The following SOCS6 variants were observed in gnomAD, a reference collection of about 807,000 sequenced individuals.
SOCS6 encodes suppressor of cytokine signaling 6.
A neutral mutation model predicts 27.7 loss-of-function variants in SOCS6; 5 were observed. That is an observed-to-expected ratio of 0.18 (90% CI 0.09 to 0.38). SOCS6 has a LOEUF of 0.38. SOCS6 is among the 10% of genes least tolerant of loss of function. SOCS6 has a pLI of 1.00. For missense variants in SOCS6, 595 were observed against 688.1 expected, an observed-to-expected ratio of 0.86 and a Z score of 1.51; for synonymous variants, 271 against 260.0, an observed-to-expected ratio of 1.04 and a Z score of -0.41.
rs2062404776 is a variant in SOCS6 at position 70,314,746 on chromosome 18, A to G, written c.-126-9797A>G. Among the ~76,000 whole-genome samples, 4 of 151,954 alleles carry G rather than the reference A, an allele frequency of 2.6e-5. No homozygotes were observed. The South Asian group carries it at 8.3e-4, about 32-fold the overall frequency. ...TTTTGTCCTCTCCTTTCCAATATTT[A>G]TATTTATTTCTTGTCTAATTCATTG... On this transcript the variant is annotated intron_variant, in intron 1 of 1. Coordinates refer to ENST00000397942, the MANE Select transcript of SOCS6 (RefSeq NM_004232.4).
At chr18:70,315,128 T>A (rs1045248396) in intron 1 of SOCS6, among the ~76,000 whole-genome samples, 1 of 152,196 alleles carries the variant, frequency 6.6e-6, no homozygotes, top group Non-Finnish European at 1.5e-5. Context: ...TGTACTTCAA[T>A]GTTCATAAGT....
intron 1 of SOCS6, among the ~76,000 whole-genome samples, chr18:70,320,904 A>C (rs967394053): frequency 1.3e-5 from 2 of 152,194 alleles, no homozygotes; most frequent in Non-Finnish European, 2.9e-5. Flanking sequence ...ATGTGGTACC[A>C]CTTTCACTGA....
At chr18:70,322,210 C>T (rs1198563997) in intron 1 of SOCS6, among the ~76,000 whole-genome samples, 1 of 151,954 alleles carries the variant, frequency 6.6e-6, no homozygotes, top group Non-Finnish European at 1.5e-5. Flanking sequence ...TACTTAGGCA[C>T]GAGACAGATG....
intron 1 of SOCS6, among the ~76,000 whole-genome samples, chr18:70,303,263 A>G (rs1021076795): frequency 1.3e-5 from 2 of 152,182 alleles, no homozygotes; most frequent in Admixed American, 1.3e-4. Flanking sequence ...ATAAATATCA[A>G]TTTCACTGGT....
Position 70,319,608 on chromosome 18 carries a change from TAA to T in SOCS6, c.-126-4912_-126-4911del, listed in dbSNP as rs34494275. Among the ~76,000 whole-genome samples the T allele has an allele frequency of 9.5e-3, 1,198 of 126,290 alleles. 14 individuals carry two copies. Among genetic ancestry groups the T allele is most frequent in the African/African-American group, 0.025 (876 of 34,820 alleles). The allele number at this position is 126,290 out of a possible 152,430, so 82.9% of individuals were successfully genotyped here. On this transcript the variant is annotated intron_variant, in intron 1 of 1. Coordinates refer to ENST00000397942, the MANE Select transcript of SOCS6 (RefSeq NM_004232.4). ...CTTTAGTAAGAACCAAGCACTTCAG[TAA>T]AAAAAAAAAAAAAAAAAAAAAATTG...
At position 70,328,244 on chromosome 18, in the gene SOCS6, G is replaced by C. The variant is rs1301793208; in HGVS notation, c.*1968G>C. 1 of 166,920 alleles carries C rather than the reference G, an allele frequency of 6.0e-6. No individual in the cohort carries two copies. The highest frequency in any genetic ancestry group is 1.9e-4 in the East Asian group (1 of 5,184). The allele number at this position is 166,920 out of a possible 1,614,324, so 10.3% of individuals were successfully genotyped here. On this transcript the variant is annotated 3_prime_UTR_variant, in exon 2 of 2. Coordinates refer to ENST00000397942, the MANE Select transcript of SOCS6 (RefSeq NM_004232.4). ...TAAAACAACTTAAAGTATATCTAGG[G>C]TGAGTTAAAAGTCCCTGTGCATCTA...
intron 1 of SOCS6, among the ~76,000 whole-genome samples, chr18:70,306,477 CAAAAAAAAAAAAA>C (rs55702216): frequency 1.1e-5 from 1 of 92,704 alleles, no homozygotes; most frequent in East Asian, 3.4e-4. Flanking sequence ...GACTCCATCT[CAAAAAAAAAAAAA>C]AAAAAAAAAG....
rs183330418 is a variant in SOCS6, at chr18:70,290,888, C to G, written c.-127+1798C>G. ...TCTTCAGCAGGGCCTCCCACCCAAG[C>G]GCACACCCTCGGGTCATCCCATGAC... On this transcript the variant is annotated intron_variant, in intron 1 of 1. Transcript: ENST00000397942. Among the ~76,000 whole-genome samples the G allele has an allele frequency of 5.2e-3, 785 of 152,278 alleles. 8 individuals are homozygous for G. The highest frequency in any genetic ancestry group is 0.021 in the South Asian group (100 of 4,822).
chr18:70,328,928 T>C lies in SOCS6; in HGVS notation c.*2652T>C, dbSNP rs1266324322. On this transcript the variant is annotated 3_prime_UTR_variant, in exon 2 of 2. Coordinates refer to ENST00000397942, the MANE Select transcript of SOCS6 (RefSeq NM_004232.4). ...CTATTGGCAGTTAACATAGATGACA[T>C]GGACACAGCCTATGAGTGCTTTTTA... 3 of 167,024 alleles carry C rather than the reference T, an allele frequency of 1.8e-5. No homozygotes were observed. The highest frequency in any genetic ancestry group is 4.4e-5 in the Non-Finnish European group (3 of 68,106). 10.3% of individuals were successfully genotyped at this position (167,024 alleles called of 1,614,324 possible).
At chr18:70,293,071 G>A (rs1008978142) in intron 1 of SOCS6, among the ~76,000 whole-genome samples, 1 of 151,792 alleles carries the variant, frequency 6.6e-6, no homozygotes, top group Non-Finnish European at 1.5e-5. Flanking sequence ...AGTTCTATGA[G>A]GGCAGAGTGT....
At chr18:70,290,701 C>G (rs2062294988) in intron 1 of SOCS6, among the ~76,000 whole-genome samples, 2 of 152,226 alleles carry the variant, frequency 1.3e-5, no homozygotes, top group Admixed American at 1.3e-4. Context: ...TGGAGTTTGG[C>G]CAGGGCTTTC....
intron 1 of SOCS6, among the ~76,000 whole-genome samples, chr18:70,297,348 T>G (rs866005335): frequency 2.8e-4 from 32 of 115,832 alleles, no homozygotes; most frequent in Middle Eastern, 4.3e-3. Context: ...ATCAGGAGGG[T>G]TTTTTTTTCC....
At chr18:70,293,828 C>G (rs1429333935) in intron 1 of SOCS6, among the ~76,000 whole-genome samples, 1 of 152,020 alleles carries the variant, frequency 6.6e-6, no homozygotes, top group African/African-American at 2.4e-5. Flanking sequence ...CGCGGTGGCT[C>G]GCGCCTGTAA....
chr18:70,328,704 C>T lies in SOCS6; in HGVS notation c.*2428C>T, dbSNP rs1470405551. 6.0e-6 allele frequency: 1 copy of T among 166,728 alleles called. No homozygotes were observed. Among genetic ancestry groups the T allele is most frequent in the Non-Finnish European group, 1.5e-5 (1 of 68,094 alleles). 10.3% of individuals were successfully genotyped at this position (166,728 alleles called of 1,614,324 possible). A position where few individuals can be genotyped will look rare whatever the true frequency, so the allele number is the denominator to read the frequency against. On this transcript the variant is annotated 3_prime_UTR_variant, in exon 2 of 2. Coordinates refer to ENST00000397942, the MANE Select transcript of SOCS6 (RefSeq NM_004232.4). ...ACTATTTGCCAAAAAGTTAAATTTACAAGCAGAAAGATGTTTTGCGATATT... is the reference window on the plus strand; with the variant it reads ...ACTATTTGCCAAAAAGTTAAATTTATAAGCAGAAAGATGTTTTGCGATATT...
intron 1 of SOCS6, among the ~76,000 whole-genome samples, chr18:70,297,250 C>T (rs1308639129): frequency 6.6e-6 from 1 of 152,148 alleles, no homozygotes; most frequent in Non-Finnish European, 1.5e-5. Context: ...AGCCACTTAA[C>T]ACTGTTGTCA....
chr18:70,306,505 A>C lies in SOCS6; in HGVS notation c.-127+17415A>C, dbSNP rs762961441. On this transcript the variant is annotated intron_variant, in intron 1 of 1. Coordinates refer to ENST00000397942, the MANE Select transcript of SOCS6 (RefSeq NM_004232.4). ...AAAAAAAAAAAAAAAAAAAAGAAAG[A>C]AAGCCAAAAACTAAGATTGTGTCAA... Among the ~76,000 whole-genome samples, 249 of 150,578 alleles carry C rather than the reference A, an allele frequency of 1.7e-3. 2 individuals carry two copies. The highest frequency in any genetic ancestry group is 1.3e-3 in the African/African-American group (53 of 40,804).
chr18:70,290,035 T>A lies in SOCS6; in HGVS notation c.-127+945T>A, dbSNP rs1010962378. Among the ~76,000 whole-genome samples, 44 of 152,208 alleles carry A rather than the reference T, an allele frequency of 2.9e-4. 1 individual carries two copies. The highest frequency in any genetic ancestry group is 2.8e-3 in the Admixed American group (43 of 15,280). Reference sequence around the variant, plus strand: ...TTTGGAATGAAGGGCCAGGTGGGAATATGTGGCGGGACTCAGTCTTCCGGT... The same window carrying A: ...TTTGGAATGAAGGGCCAGGTGGGAAAATGTGGCGGGACTCAGTCTTCCGGT... On this transcript the variant is annotated intron_variant, in intron 1 of 1. Coordinates refer to ENST00000397942, the MANE Select transcript of SOCS6 (RefSeq NM_004232.4).
At chr18:70,300,728 C>G (rs2062344716) in intron 1 of SOCS6, among the ~76,000 whole-genome samples, 1 of 152,074 alleles carries the variant, frequency 6.6e-6, no homozygotes, top group Non-Finnish European at 1.5e-5. Flanking sequence ...TAGTGCTACC[C>G]CATACTTTTG....
In SOCS6 at chr18:70,330,139, A is replaced by G. The variant is rs992077343; in HGVS notation, c.*3863A>G. 6.0e-6 allele frequency: 1 copy of G among 167,094 alleles called. No homozygotes were observed. Among genetic ancestry groups the G allele is most frequent in the African/African-American group, 2.4e-5 (1 of 41,460 alleles). The allele number at this position is 167,094 out of a possible 1,614,324, so 10.4% of individuals were successfully genotyped here. A position where few individuals can be genotyped will look rare whatever the true frequency, so the allele number is the denominator to read the frequency against. The stretch of plus-strand genomic sequence containing the variant: ...TTGCACATTTTTGGAAATTAATTGT[A>G]TAAGAATTTATGTATCTGCTTCTAG... On this transcript the variant is annotated 3_prime_UTR_variant, in exon 2 of 2. Transcript: ENST00000397942.
Sources: gnomAD v4.1 joint callset for allele counts (sites outside exome capture counted in the v4.1 genomes callset) on GRCh38, gnomAD v4.1.1 for gene constraint, MANE v1.5 for transcripts, NCBI Gene and HGNC (gene_info 2026-07-23, HGNC 2026-07-21) for gene names.